MCCC1: variants seen among roughly 807,000 people sequenced by gnomAD.
MCCC1 encodes the protein methylcrotonyl-CoA carboxylase subunit 1, also known as methylcrotonoyl-CoA carboxylase subunit alpha, mitochondrial.
Under a neutral mutation model 83.8 loss-of-function variants are expected in MCCC1, and 64 were observed. The ratio of observed to expected loss-of-function variants is 0.76; its 90% confidence interval spans 0.62 to 0.94. The LOEUF is 0.94. Ranked by LOEUF, MCCC1 falls within the 40% of genes least tolerant of loss-of-function variation. MCCC1 has a pLI of 0.00. For missense variants in MCCC1, 807 were observed against 904.7 expected, an observed-to-expected ratio of 0.89 and a Z score of 1.39; for synonymous variants, 322 against 315.4, an observed-to-expected ratio of 1.02 and a Z score of -0.22.
intron 3 of MCCC1, 89 bp from the exon 4 acceptor site, chr3:183,086,877 T>C: frequency 8.2e-7 from 1 of 1,216,318 alleles, no homozygotes; most frequent in South Asian, 1.3e-5. Context: ...CATTTTATTA[T>C]TGTAAATAAA....
In MCCC1 at chr3:183,052,182, T is replaced by TGAG; in HGVS notation, c.931_932insCTC (p.Lys311delinsThrGln). On this transcript the variant is annotated protein_altering_variant, in exon 9 of 19. Transcript: ENST00000265594. Reference sequence around the variant, plus strand: ...ACCTGCTCCAACATAATTTACAGCTTTAGCAGCTCTGACTGCAGCTTCTCC... The same window carrying TGAG: ...ACCTGCTCCAACATAATTTACAGCTTGAGTAGCAGCTCTGACTGCAGCTTCTCC... 6.2e-7 allele frequency: 1 copy of TGAG among 1,614,178 alleles called. No homozygotes were observed. The highest frequency in any genetic ancestry group is 8.5e-7 in the Non-Finnish European group (1 of 1,180,022).
intron 1 of MCCC1, among the ~76,000 whole-genome samples, chr3:183,113,686 G>T (rs1019270668): frequency 1.3e-5 from 2 of 151,622 alleles, no homozygotes; most frequent in African/African-American, 4.9e-5. Flanking sequence ...CTGGGTGACA[G>T]AAGATGACTC....
intron 14 of MCCC1, among the ~76,000 whole-genome samples, chr3:183,026,837 G>C (rs1188041887): frequency 1.3e-5 from 2 of 152,042 alleles, no homozygotes; most frequent in African/African-American, 4.8e-5. Flanking sequence ...CCATTAAATG[G>C]GTATAAAAAT....
At position 183,074,011 on chromosome 3, in the gene MCCC1, T is replaced by C. The variant is rs533794482; in HGVS notation, c.370-1524A>G. Among the ~76,000 whole-genome samples, 18 of 152,316 alleles carry C rather than the reference T, an allele frequency of 1.2e-4. No individual in the cohort carries two copies. The South Asian group carries it at 3.3e-3, about 28-fold the overall frequency. ...CTGGACAAAGGGACGATTCACATCC[T>C]GGGAGGGACAAAGCAGACTGTGCAA... On this transcript the variant is annotated intron_variant, in intron 4 of 18. Coordinates refer to ENST00000265594, the MANE Select transcript of MCCC1 (RefSeq NM_020166.5).
intron 11 of MCCC1, 104 bp downstream of exon 11, chr3:183,041,463 T>C (rs1714074065): frequency 8.4e-7 from 1 of 1,189,832 alleles, no homozygotes; most frequent in Admixed American, 2.2e-5. Context: ...TATTTTAAAA[T>C]ATGCTAGACA....
At chr3:183,063,588 A>G (rs919774725) in intron 7 of MCCC1, among the ~76,000 whole-genome samples, 12 of 152,184 alleles carry the variant, frequency 7.9e-5, no homozygotes, top group Non-Finnish European at 1.6e-4. Context: ...TGTTCTCTCT[A>G]TGGAGTAGCC....
upstream of MCCC1, among the ~76,000 whole-genome samples, chr3:183,101,538 C>T (rs1293669972): frequency 6.6e-6 from 1 of 150,394 alleles, no homozygotes; most frequent in Non-Finnish European, 1.5e-5. Context: ...TCTAACTAAT[C>T]TGATGGGGAC....
intron 15 of MCCC1, 137 bp downstream of exon 15, chr3:183,025,618 T>C: frequency 1.2e-6 from 1 of 813,160 alleles, no homozygotes; most frequent in Non-Finnish European, 2.1e-6. Context: ...GGGTCTGAAA[T>C]ACAAGCATAA....
intron 1 of MCCC1, among the ~76,000 whole-genome samples, chr3:183,097,405 T>C (rs901184259): frequency 2.0e-5 from 3 of 152,174 alleles, no homozygotes; most frequent in Admixed American, 2.0e-4. Context: ...GATTTTTTTG[T>C]TTTTGTTTTA....
chr3:183,053,662 G>A (rs146268234), intron 8 of MCCC1, among the ~76,000 whole-genome samples: 2,990 of 150,616 alleles, frequency 0.02, 94 homozygotes, highest in African/African-American at 0.07. Context: ...AAAATTAGCC[G>A]GGTGTGGTGG....
chr3:183,103,849 G>A (rs1425366559), upstream of MCCC1, among the ~76,000 whole-genome samples: 5 of 152,216 alleles, frequency 3.3e-5, no homozygotes, highest in Admixed American at 6.5e-5. Flanking sequence ...GGAGCGGGGG[G>A]AGGCTCAGGC....
chr3:183,049,573 AAAAAAAAAAAAG>A (rs1714805641), intron 9 of MCCC1, among the ~76,000 whole-genome samples: 1 of 150,870 alleles, frequency 6.6e-6, no homozygotes, highest in Non-Finnish European at 1.5e-5. Flanking sequence ...TTTGTTTCAA[AAAAAAAAAAAAG>A]AAAAAAGAAA....
At chr3:183,080,883 T>C (rs73053943) in intron 4 of MCCC1, among the ~76,000 whole-genome samples, 1,702 of 152,282 alleles carry the variant, frequency 0.011, 36 homozygotes, top group African/African-American at 0.039. Flanking sequence ...TTCTTAAAAC[T>C]ATCAGACCTC....
intron 1 of MCCC1, among the ~76,000 whole-genome samples, chr3:183,109,110 G>GCCTC (rs1418889477): frequency 1.3e-5 from 2 of 152,068 alleles, no homozygotes; most frequent in African/African-American, 4.8e-5. Context: ...TTCTGTCTCA[G>GCCTC]CCTCCCAGGT....
chr3:183,082,661 A>T (rs1717596288), intron 4 of MCCC1, among the ~76,000 whole-genome samples: 1 of 152,218 alleles, frequency 6.6e-6, no homozygotes, highest in African/African-American at 2.4e-5. Flanking sequence ...CAACCAGAGA[A>T]GACTGAAGAC....
At chr3:183,061,204 C>G (rs111500431) in intron 7 of MCCC1, among the ~76,000 whole-genome samples, 10 of 152,164 alleles carry the variant, frequency 6.6e-5, no homozygotes, top group African/African-American at 2.4e-4. Flanking sequence ...GATTAAATCT[C>G]AAGTCTTTTA....
intron 4 of MCCC1, among the ~76,000 whole-genome samples, chr3:183,086,055 T>C (rs527670776): frequency 6.6e-6 from 1 of 152,192 alleles, no homozygotes; most frequent in African/African-American, 2.4e-5. Flanking sequence ...TAAAGGGTAA[T>C]TTCAACATCC....
rs1715503944 is a variant in MCCC1, at chr3:183,057,406, C to T, written c.778G>A (p.Val260Met). 1.2e-6 allele frequency: 2 copies of T among 1,606,916 alleles called. No homozygotes were observed. Among genetic ancestry groups the T allele is most frequent in the Admixed American group, 1.7e-5 (1 of 59,348 alleles). ...GCATTGCCATGGTGATCACCAAACA[C>T]CTGGACTTCTACATGCCTATATAAA... ...VDTPRHVEVQ[V>M]FGDHHGNAVY... is the part of the protein sequence containing the mutation. Residue 260 changes from valine (V) to methionine (M), a missense_variant, in exon 8 of 19, where the codon GTG (valine) becomes ATG (methionine). By Grantham distance (21) the Val-to-Met change is conservative (BLOSUM62 1). Coordinates refer to ENST00000265594, the MANE Select transcript of MCCC1 (RefSeq NM_020166.5).
chr3:183,099,639 G>A (rs1401283119), upstream of MCCC1: 5 of 665,986 alleles, frequency 7.5e-6, no homozygotes, highest in Non-Finnish European at 1.3e-5. Context: ...CTTCAGTAGC[G>A]ACGATTGGGC....
Sources: gnomAD v4.1 joint callset for allele counts (sites outside exome capture counted in the v4.1 genomes callset) on GRCh38, gnomAD v4.1.1 for gene constraint, MANE v1.5 for transcripts, NCBI Gene and HGNC (gene_info 2026-07-23, HGNC 2026-07-21) for gene names.